The following C6orf141 variants were observed in gnomAD, a reference collection of about 807,000 sequenced individuals.
The protein encoded by C6orf141 is chromosome 6 open reading frame 141.
For missense variants in C6orf141, 361 were observed against 335.8 expected (o/e 1.07, Z -0.59); for synonymous variants, 164 against 140.5 (o/e 1.17, Z -1.18).
At chr6:49,561,772 A>G (rs1273619459) in exon 5 of C6orf141, 1 of 151,466 alleles carries the variant, frequency 6.6e-6, no homozygotes, top group East Asian at 2.0e-4. Flanking sequence ...GCAGCCTGAA[A>G]CTCCTTGGCT....
At position 49,550,677 on chromosome 6, in the gene C6orf141, C is replaced by A; in HGVS notation, c.-116C>A. The A allele has an allele frequency of 3.1e-6, 3 of 958,410 alleles. No individual in the cohort carries two copies. The African/African-American group carries it at 5.1e-5, about 16-fold the overall frequency. 59.4% of individuals were successfully genotyped at this position (958,410 alleles called of 1,614,324 possible). On this transcript the variant is annotated 5_prime_UTR_variant, in exon 1 of 1. Coordinates refer to ENST00000529246, the MANE Select transcript of C6orf141 (RefSeq NM_001145652.2). ...AGCCTGGGGCTGATCTAGTCTTCAG[C>A]TTTCACCGGCTGGGAGTCCGGAGCT...
chr6:49,552,909 T>A (rs575798497), downstream of C6orf141: 7 of 152,178 alleles, frequency 4.6e-5, no homozygotes, highest in Non-Finnish European at 8.8e-5. Context: ...CCTGAGGATA[T>A]CCTAGGTTTT....
At position 49,551,182 on chromosome 6, in the gene C6orf141, C is replaced by T; in HGVS notation, c.390C>T (p.Tyr130=). 6.4e-7 allele frequency: 1 copy of T among 1,551,590 alleles called. No homozygotes were observed. The highest frequency in any genetic ancestry group is 8.7e-7 in the Non-Finnish European group (1 of 1,146,938). Residue 130 remains tyrosine, a synonymous_variant, in exon 1 of 1, where the codon TAC becomes TAT. Transcript: ENST00000529246. ...AGGACCACGGCGAGGAGCCCAACTA[C>T]CCTTCTGTCTTTCAACGACAAAAGC... is the stretch of plus-strand genomic sequence containing the variant. The part of the protein sequence containing the change: ...GGEDHGEEPN[Y]PSVFQRQKRI...
Position 49,551,824 on chromosome 6 carries a change from G to C in C6orf141, c.*297G>C. 3.2e-6 allele frequency: 4 copies of C among 1,255,116 alleles called. No homozygotes were observed. Among genetic ancestry groups the C allele is most frequent in the Non-Finnish European group, 4.1e-6 (4 of 987,258 alleles). 77.7% of individuals were successfully genotyped at this position (1,255,116 alleles called of 1,614,324 possible). A position where few individuals can be genotyped will look rare whatever the true frequency, so the allele number is the denominator to read the frequency against. The stretch of plus-strand genomic sequence containing the variant: ...AAACCTGTTGTTAATTTGCATTTTG[G>C]AATAACTCTCAATTGATCTCTTTTC... On this transcript the variant is annotated 3_prime_UTR_variant, in exon 1 of 1. Coordinates refer to ENST00000529246, the MANE Select transcript of C6orf141 (RefSeq NM_001145652.2).
At chr6:49,560,464 T>C (rs28723535) in intron 4 of C6orf141, 1 of 152,198 alleles carries the variant, frequency 6.6e-6, no homozygotes, top group Non-Finnish European at 1.5e-5. Context: ...CAATAAGCAG[T>C]GCATCATCAT....
downstream of C6orf141, among the ~76,000 whole-genome samples, chr6:49,554,443 C>G (rs189190137): frequency 3.9e-5 from 6 of 152,092 alleles, no homozygotes; most frequent in South Asian, 1.2e-3. Flanking sequence ...TGCAGTGGCA[C>G]GATCTCTGCT....
downstream of C6orf141, chr6:49,555,042 C>T (rs1352738777): frequency 1.3e-5 from 2 of 152,166 alleles, no homozygotes; most frequent in African/African-American, 4.8e-5. Context: ...CTCTACTCCT[C>T]TGAAAAACAT....
At chr6:49,553,360 G>A (rs933257349), downstream of C6orf141, among the ~76,000 whole-genome samples, 5 of 152,210 alleles carry the variant, frequency 3.3e-5, no homozygotes, top group African/African-American at 1.2e-4. Flanking sequence ...CCTCACTTGG[G>A]AGAGGAATTC....
chr6:49,561,669 C>T (rs1461337547), intron 4 of C6orf141: 3 of 152,020 alleles, frequency 2.0e-5, no homozygotes, highest in African/African-American at 7.2e-5. Context: ...GAGTGAATGT[C>T]TTTAATTAAA....
chr6:49,551,920 C>T lies in C6orf141; in HGVS notation c.*393C>T. The T allele has an allele frequency of 9.4e-7, 1 of 1,064,552 alleles. No homozygotes were observed. 65.9% of individuals were successfully genotyped at this position (1,064,552 alleles called of 1,614,324 possible). A position where few individuals can be genotyped will look rare whatever the true frequency, so the allele number is the denominator to read the frequency against. On this transcript the variant is annotated 3_prime_UTR_variant, in exon 1 of 1. Coordinates refer to ENST00000529246, the MANE Select transcript of C6orf141 (RefSeq NM_001145652.2). ...AGTGAAGTTTGAAGTCTGCTCTCTG[C>T]AAAGAGGGTGGGAGTGGGTGGAGAA...
downstream of C6orf141, chr6:49,553,322 T>A (rs1771067205): frequency 6.6e-6 from 1 of 152,246 alleles, no homozygotes; most frequent in South Asian, 2.1e-4. Flanking sequence ...TGGAGAATCA[T>A]CACTAGCAGT....
Position 49,551,223 on chromosome 6 carries a change from G to A in C6orf141, c.431G>A (p.Arg144His), listed in dbSNP as rs776391915. ...FQRQKRISGR[R>H]VAPPRDAADP... The stretch of plus-strand genomic sequence containing the variant: ...CGACAAAAGCGAATTTCTGGCAGGC[G>A]TGTAGCCCCGCCGCGGGACGCAGCA... Residue 144 changes from arginine (R) to histidine (H), a missense_variant, in exon 1 of 1, where the codon CGT becomes CAT. Physicochemically the swap from Arg to His is conservative, Grantham distance 29 (BLOSUM62 0). Coordinates refer to ENST00000529246, the MANE Select transcript of C6orf141 (RefSeq NM_001145652.2). The A allele has an allele frequency of 1.3e-6, 2 of 1,551,454 alleles. No homozygotes were observed. Among genetic ancestry groups the A allele is most frequent in the African/African-American group, 2.7e-5 (2 of 73,046 alleles).
At chr6:49,557,185 G>A (rs1355645002) in intron 4 of C6orf141, among the ~76,000 whole-genome samples, 2 of 152,186 alleles carry the variant, frequency 1.3e-5, no homozygotes, top group Admixed American at 1.3e-4. Context: ...CCAGGAGGAG[G>A]AGGTTGCAGT....
downstream of C6orf141, among the ~76,000 whole-genome samples, chr6:49,553,505 C>A (rs933494706): frequency 6.6e-6 from 1 of 152,198 alleles, no homozygotes; most frequent in Admixed American, 6.5e-5. Context: ...AAGTTTCAGA[C>A]CTGAGCTTAT....
In C6orf141 at chr6:49,550,960, A is replaced by G; in HGVS notation, c.168A>G (p.Arg56=). ...ATCCCGCGACGGCAGGGGCGAGCCGAAGCCAGGGCGGCGGCCACGAGGACA... is the reference window on the plus strand; with the variant it reads ...ATCCCGCGACGGCAGGGGCGAGCCGGAGCCAGGGCGGCGGCCACGAGGACA... ...ARNPATAGAS[R]SQGGGHEDRT... The change falls in exon 1 of 1, where the codon CGA becomes CGG. Residue 56 remains arginine (R), a synonymous_variant. Coordinates refer to ENST00000529246, the MANE Select transcript of C6orf141 (RefSeq NM_001145652.2). 6.5e-7 allele frequency: 1 copy of G among 1,550,110 alleles called. No homozygotes were observed.
At chr6:49,557,422 G>A (rs533294786) in intron 4 of C6orf141, among the ~76,000 whole-genome samples, 1 of 152,274 alleles carries the variant, frequency 6.6e-6, no homozygotes, top group East Asian at 1.9e-4. Flanking sequence ...TAGGGCAATA[G>A]GAAAGCTTTG....
Position 49,551,414 on chromosome 6 carries a change from G to C in C6orf141, c.622G>C (p.Gly208Arg). ...SREGQPGERW[G>R]PAESRALQAR... ...AGAGGGACAGCCTGGGGAACGCTGG[G>C]GCCCTGCTGAATCCCGGGCTCTCCA... The change falls in exon 1 of 1, where the codon GGC becomes CGC. Residue 208 changes from glycine to arginine, a missense_variant. Transcript: ENST00000529246. The C allele has an allele frequency of 2.6e-6, 4 of 1,551,634 alleles. No homozygotes were observed. Among genetic ancestry groups the C allele is most frequent in the East Asian group, 2.4e-5 (1 of 40,880 alleles).
downstream of C6orf141, among the ~76,000 whole-genome samples, chr6:49,553,891 T>G (rs1260893386): frequency 3.3e-5 from 5 of 152,194 alleles, no homozygotes; most frequent in African/African-American, 1.2e-4. Flanking sequence ...GGTTATTGTT[T>G]AGTTCACTTT....
Position 49,551,353 on chromosome 6 carries a change from G to A in C6orf141, c.561G>A (p.Glu187=). 1 of 1,551,724 alleles carries A rather than the reference G, an allele frequency of 6.4e-7. No homozygotes were observed. The highest frequency in any genetic ancestry group is 8.7e-7 in the Non-Finnish European group (1 of 1,146,990). ...AKGRMTTRTE[E]HFVTALTFRS... ...GTCGCATGACCACGAGGACTGAGGAGCACTTCGTGACCGCGCTCACTTTTC... is the reference window on the plus strand; with the variant it reads ...GTCGCATGACCACGAGGACTGAGGAACACTTCGTGACCGCGCTCACTTTTC... The change falls in exon 1 of 1, where the codon GAG becomes GAA. Residue 187 remains glutamate, a synonymous_variant. Transcript: ENST00000529246.
Sources: gnomAD v4.1 joint callset for allele counts (sites outside exome capture counted in the v4.1 genomes callset) on GRCh38, gnomAD v4.1.1 for gene constraint, MANE v1.5 for transcripts, NCBI Gene and HGNC (gene_info 2026-07-23, HGNC 2026-07-21) for gene names.